The following CDK6 variants were observed in gnomAD, a reference collection of about 807,000 sequenced individuals.
CDK6 encodes the protein cyclin dependent kinase 6.
CDK6 carries 6 observed loss-of-function variants against 37.1 expected under a neutral mutation model. The ratio of observed to expected loss-of-function variants is 0.16; its 90% CI spans 0.09 to 0.32. The LOEUF is 0.32. CDK6 is among the 10% of genes least tolerant of loss of function. The pLI, the probability that CDK6 is intolerant of heterozygous loss-of-function variation, is 1.00. For synonymous variants in CDK6, 160 were observed against 161.3 expected (o/e 0.99, Z 0.06); for missense variants, 224 against 418.9 (o/e 0.53, Z 4.06).
intron 5 of CDK6, among the ~76,000 whole-genome samples, chr7:92,628,288 GA>G (rs35489511): frequency 2.0e-5 from 3 of 150,808 alleles, no homozygotes; most frequent in East Asian, 3.9e-4. Flanking sequence ...AAAATCAGAA[GA>G]AAAAAAAACC....
rs1022718434 is a variant in CDK6, at chr7:92,710,662, A to G, written c.537+14964T>C. ...GAAGATTCTAGCTTTGGTGATTACC[A>G]GTAATGAAGTTAAACAAAGGAGACC... On this transcript the variant is annotated intron_variant, in intron 4 of 7. Transcript: ENST00000424848. The G allele has an allele frequency of 1.3e-5, 13 of 973,006 alleles. No individual in the cohort carries two copies. In the African/African-American group the frequency reaches 1.6e-4, roughly 12 times the overall value. 60.3% of individuals were successfully genotyped at this position (973,006 alleles called of 1,614,324 possible).
chr7:92,661,710 T>C (rs923945551), intron 5 of CDK6, among the ~76,000 whole-genome samples: 8 of 152,096 alleles, frequency 5.3e-5, no homozygotes, highest in Non-Finnish European at 1.2e-4. Context: ...TGTTGTCTCA[T>C]GGGTGGCAGA....
At chr7:92,836,382 C>T (rs1237270150) in intron 1 of CDK6, 96 bp downstream of exon 1, 1 of 150,754 alleles carries the variant, frequency 6.6e-6, no homozygotes, top group Non-Finnish European at 1.5e-5. Context: ...CCACTTACCC[C>T]ACCCACAGTT....
intron 5 of CDK6, among the ~76,000 whole-genome samples, chr7:92,654,161 T>C (rs1406785129): frequency 2.0e-5 from 3 of 151,900 alleles, no homozygotes; most frequent in Non-Finnish European, 2.9e-5. Flanking sequence ...CTCAGATTGC[T>C]GTTTTCACAT....
intron 4 of CDK6, among the ~76,000 whole-genome samples, chr7:92,683,418 G>T (rs1411410760): frequency 6.6e-6 from 1 of 152,212 alleles, no homozygotes; most frequent in Non-Finnish European, 1.5e-5. Flanking sequence ...TGCAAGTGAT[G>T]AGGGAAATGG....
At chr7:92,817,397 T>A (rs556070220) in intron 2 of CDK6, among the ~76,000 whole-genome samples, 65 of 151,916 alleles carry the variant, frequency 4.3e-4, no homozygotes, top group African/African-American at 1.5e-3. Flanking sequence ...ACAGAGTTTT[T>A]AAAAAAATAA....
chr7:92,794,962 C>T (rs967171904), intron 2 of CDK6, among the ~76,000 whole-genome samples: 12 of 152,026 alleles, frequency 7.9e-5, no homozygotes, highest in African/African-American at 2.2e-4. Flanking sequence ...AAATGTTTTG[C>T]TCAATTAAAG....
intron 4 of CDK6, 111 bp downstream of exon 4, chr7:92,725,515 T>C (rs914822613): frequency 4.9e-5 from 59 of 1,211,002 alleles, no homozygotes; most frequent in Non-Finnish European, 6.1e-5. Context: ...AGACATTCTA[T>C]CCACCAACTA....
chr7:92,728,163 C>G (rs1424334238), intron 3 of CDK6, among the ~76,000 whole-genome samples: 1 of 152,050 alleles, frequency 6.6e-6, no homozygotes, highest in Non-Finnish European at 1.5e-5. Context: ...TATAAAATTG[C>G]TAAGATGTAT....
At chr7:92,829,974 G>A (rs528902859) in intron 2 of CDK6, among the ~76,000 whole-genome samples, 8 of 152,156 alleles carry the variant, frequency 5.3e-5, no homozygotes, top group Non-Finnish European at 1.0e-4. Flanking sequence ...GCACATAGTG[G>A]ACCCTCAGTA....
At chr7:92,819,748 G>A (rs1584119015) in intron 2 of CDK6, among the ~76,000 whole-genome samples, 1 of 151,798 alleles carries the variant, frequency 6.6e-6, no homozygotes, top group African/African-American at 2.4e-5. Context: ...ACCAACAAGT[G>A]GAGAACAAAA....
intron 4 of CDK6, among the ~76,000 whole-genome samples, chr7:92,697,671 C>T: frequency 6.6e-6 from 1 of 152,136 alleles, no homozygotes; most frequent in Admixed American, 6.6e-5. Flanking sequence ...CAGCTCTAAC[C>T]AATTGGTGTA....
chr7:92,646,641 G>T (rs1413548252), intron 5 of CDK6, among the ~76,000 whole-genome samples: 1 of 151,642 alleles, frequency 6.6e-6, no homozygotes, highest in Non-Finnish European at 1.5e-5. Flanking sequence ...CAGGTAATCT[G>T]CCCACCTTGG....
chr7:92,703,370 T>G (rs568685772), intron 4 of CDK6, among the ~76,000 whole-genome samples: 3 of 152,370 alleles, frequency 2.0e-5, no homozygotes, highest in Admixed American at 2.0e-4. Context: ...ATCATAATTT[T>G]AGTCATAAGC....
At chr7:92,653,617 A>T (rs1490205355) in intron 5 of CDK6, among the ~76,000 whole-genome samples, 1 of 152,218 alleles carries the variant, frequency 6.6e-6, no homozygotes, top group Non-Finnish European at 1.5e-5. Flanking sequence ...CTGTATTCAC[A>T]GCCCTGAGCA....
intron 5 of CDK6, among the ~76,000 whole-genome samples, chr7:92,655,829 T>C (rs1185975914): frequency 1.3e-5 from 2 of 152,278 alleles, no homozygotes; most frequent in Non-Finnish European, 2.9e-5. Context: ...TGTCTGCAGC[T>C]GTCTGTCACA....
At chr7:92,684,573 C>T (rs1339735513) in intron 4 of CDK6, among the ~76,000 whole-genome samples, 1 of 152,094 alleles carries the variant, frequency 6.6e-6, no homozygotes, top group Non-Finnish European at 1.5e-5. Context: ...TAGATCCCTT[C>T]CCTGAAGACC....
chr7:92,623,149 G>A (rs1034390736), intron 5 of CDK6, 63 bp from the exon 6 acceptor site: 1 of 1,128,512 alleles, frequency 8.9e-7, no homozygotes, highest in East Asian at 2.5e-5. Context: ...AATCATATTT[G>A]CCATTATCAT....
chr7:92,729,359 A>T (rs1166939991), intron 3 of CDK6, among the ~76,000 whole-genome samples: 1 of 152,234 alleles, frequency 6.6e-6, no homozygotes, highest in Non-Finnish European at 1.5e-5. Flanking sequence ...TCTTTCAGTT[A>T]AACGCAGGTT....
Sources: allele counts gnomAD v4.1 joint callset (sites outside exome capture counted in the v4.1 genomes callset), GRCh38; gene constraint gnomAD v4.1.1; transcripts MANE v1.5; gene names NCBI Gene and HGNC (gene_info 2026-07-23, HGNC 2026-07-21).